Variants in ANKDD1A observed in about 807,000 individuals in gnomAD.
The protein encoded by ANKDD1A is ankyrin repeat and death domain-containing protein 1A.
In ANKDD1A, 59 loss-of-function variants were observed where a neutral mutation model predicts 63.5. That is an observed-to-expected ratio of 0.93 (90% CI 0.75 to 1.15). ANKDD1A has a LOEUF of 1.15. Among genes scored for constraint, ANKDD1A ranks in the 50% most tolerant of loss-of-function variants. The probability of loss-of-function intolerance (pLI) is 0.00; values close to 1 mark genes in which losing one functional copy is unlikely to be tolerated. For missense variants in ANKDD1A, 632 were observed against 656.4 expected (o/e 0.96, Z 0.41); for synonymous variants, 266 against 263.9 (o/e 1.01, Z -0.08).
At chr15:64,953,325 CCTT>C (rs1388840857) in intron 14 of ANKDD1A, among the ~76,000 whole-genome samples, 5 of 146,070 alleles carry the variant, frequency 3.4e-5, no homozygotes, top group South Asian at 2.2e-4. Flanking sequence ...TTTCTTCTTT[CCTT>C]CTTATTCTTC....
At chr15:64,947,851 C>T (rs144837574) in intron 13 of ANKDD1A, among the ~76,000 whole-genome samples, 120 of 152,318 alleles carry the variant, frequency 7.9e-4, no homozygotes, top group African/African-American at 2.8e-3. Flanking sequence ...TATACCTAAA[C>T]TAAAACCATT....
At chr15:64,928,626 C>G (rs1375249352) in intron 6 of ANKDD1A, among the ~76,000 whole-genome samples, 1 of 152,172 alleles carries the variant, frequency 6.6e-6, no homozygotes, top group Non-Finnish European at 1.5e-5. Context: ...GAGTCAATGA[C>G]AACACAGGTC....
chr15:64,944,631 C>T (rs1300181054), intron 11 of ANKDD1A, 21 bp from the exon 12 acceptor site: 17 of 1,611,324 alleles, frequency 1.1e-5, no homozygotes, highest in Non-Finnish European at 1.4e-5. Context: ...TCTGGCTTCT[C>T]TTCTTGCCTC....
At chr15:64,921,101 G>A (rs944376213) in intron 3 of ANKDD1A, among the ~76,000 whole-genome samples, 2 of 151,908 alleles carry the variant, frequency 1.3e-5, no homozygotes, top group Non-Finnish European at 1.5e-5. Context: ...CTCCTGAGTA[G>A]CTGGGACCAC....
intron 14 of ANKDD1A, chr15:64,951,145 C>G (rs1022908409): frequency 5.2e-5 from 60 of 1,143,244 alleles, no homozygotes; most frequent in Non-Finnish European, 6.2e-5. Context: ...TACTGAAATG[C>G]ACAGTCATGC....
At position 64,915,781 on chromosome 15, in the gene ANKDD1A, C is replaced by T. The variant is rs1216621984; in HGVS notation, c.35-16C>T. ...GCATCCTCCCCCTCATCCTGCACCC[C>T]ATTTTCTCCCCACAGTGCTTCCTCT... On this transcript the variant is annotated splice_polypyrimidine_tract_variant and intron_variant, in intron 1 of 14. Transcript: ENST00000319580. The T allele has an allele frequency of 1.2e-6, 2 of 1,612,042 alleles. No homozygotes were observed. Among genetic ancestry groups the T allele is most frequent in the Admixed American group, 3.3e-5 (2 of 59,994 alleles).
chr15:64,956,352 A>G (rs1421124044), intron 14 of ANKDD1A, among the ~76,000 whole-genome samples: 1 of 151,512 alleles, frequency 6.6e-6, no homozygotes, highest in African/African-American at 2.4e-5. Context: ...GATCGAGACC[A>G]TCCTGGCTAA....
chr15:64,947,276 C>G, intron 12 of ANKDD1A, 128 bp from the exon 13 acceptor site: 1 of 883,512 alleles, frequency 1.1e-6, no homozygotes, highest in Non-Finnish European at 1.7e-6. Context: ...AGCCCCTGGC[C>G]CTTGCTGACT....
chr15:64,952,210 TTTCTTCTTCTTCC>T (rs2085301382), intron 14 of ANKDD1A, among the ~76,000 whole-genome samples: 1 of 150,176 alleles, frequency 6.7e-6, no homozygotes, highest in Non-Finnish European at 1.5e-5. Context: ...TTCTTTCCTC[TTTCTTCTTCTTCC>T]TTCTCCTCCT....
chr15:64,932,038 T>C (rs7175455), intron 8 of ANKDD1A: 10,456 of 181,740 alleles, frequency 0.058, 1,155 homozygotes, highest in African/African-American at 0.23. Flanking sequence ...GGACTACAGG[T>C]GTGTGCCACT....
intron 14 of ANKDD1A, among the ~76,000 whole-genome samples, chr15:64,953,676 T>TCC (rs1566917790): frequency 0.027 from 2,059 of 76,996 alleles, 51 homozygotes; most frequent in Non-Finnish European, 0.04. Context: ...TTCTCCTTCT[T>TCC]TTCTTCTCCT....
At chr15:64,926,003 T>C in intron 4 of ANKDD1A, 63 bp from the exon 5 acceptor site, 1 of 1,441,294 alleles carries the variant, frequency 6.9e-7, no homozygotes, top group Non-Finnish European at 9.6e-7. Context: ...TTTGGGAGAC[T>C]GGCAGTGTGT....
intron 14 of ANKDD1A, among the ~76,000 whole-genome samples, chr15:64,954,871 C>T (rs1246101773): frequency 4.0e-4 from 7 of 17,606 alleles, no homozygotes; most frequent in Non-Finnish European, 8.8e-4. Flanking sequence ...TTCTCCTTTT[C>T]TTCTTCCTTC....
chr15:64,951,929 CTT>C (rs2085292014), intron 14 of ANKDD1A, among the ~76,000 whole-genome samples: 1 of 113,590 alleles, frequency 8.8e-6, no homozygotes, highest in Non-Finnish European at 1.9e-5. Context: ...CTTTCCTCTT[CTT>C]CCTTTCTTTT....
intron 14 of ANKDD1A, among the ~76,000 whole-genome samples, chr15:64,951,743 TC>T (rs2085285513): frequency 8.4e-5 from 6 of 71,590 alleles, no homozygotes; most frequent in East Asian, 8.9e-4. Context: ...TCCTCCTTCT[TC>T]CTCTTCTTCC....
intron 13 of ANKDD1A, 56 bp downstream of exon 13, chr15:64,947,649 C>T (rs1432918776): frequency 1.9e-6 from 3 of 1,568,460 alleles, no homozygotes; most frequent in African/African-American, 1.3e-5. Flanking sequence ...GGTGGGACAC[C>T]TGAAATGTGT....
At chr15:64,936,597 G>C (rs1245160998) in intron 9 of ANKDD1A, among the ~76,000 whole-genome samples, 1 of 152,122 alleles carries the variant, frequency 6.6e-6, no homozygotes, top group Admixed American at 6.6e-5. Context: ...CCAACACTTT[G>C]GAAGGCTGAG....
At chr15:64,952,263 TCTC>T (rs1353139544) in intron 14 of ANKDD1A, among the ~76,000 whole-genome samples, 1 of 150,174 alleles carries the variant, frequency 6.7e-6, no homozygotes, top group Non-Finnish European at 1.5e-5. Context: ...CCTTCTTCCT[TCTC>T]CTTCTTTTTC....
intron 14 of ANKDD1A, among the ~76,000 whole-genome samples, chr15:64,953,493 TTAG>T (rs1295029646): frequency 8.4e-6 from 1 of 118,530 alleles, no homozygotes; most frequent in Non-Finnish European, 1.8e-5. Flanking sequence ...TCCTTCTTCT[TTAG>T]TTCTTCCTCC....
Sources: allele counts gnomAD v4.1 joint callset (sites outside exome capture counted in the v4.1 genomes callset), GRCh38; gene constraint gnomAD v4.1.1; transcripts MANE v1.5; gene names NCBI Gene and HGNC (gene_info 2026-07-23, HGNC 2026-07-21).